The following STK11IP variants were observed in gnomAD, a reference collection of about 807,000 sequenced individuals.
STK11IP encodes the protein serine/threonine-protein kinase 11-interacting protein.
Under a neutral mutation model 131.7 loss-of-function variants are expected in STK11IP, and 103 were observed. That is an observed-to-expected ratio of 0.78 (90% CI 0.67 to 0.92). STK11IP has a LOEUF of 0.92. Among genes scored for constraint, STK11IP ranks in the 40% least tolerant of loss-of-function variants. The pLI, the probability that STK11IP is intolerant of heterozygous loss-of-function variation, is 0.00. For synonymous variants in STK11IP, 557 were observed against 575.6 expected, an observed-to-expected ratio of 0.97 and a Z score of 0.46; for missense variants, 1,315 against 1,385.7, an observed-to-expected ratio of 0.95 and a Z score of 0.81.
At position 219,606,452 on chromosome 2, in the gene STK11IP, C is replaced by A. The variant is rs781518898; in HGVS notation, c.946-24C>A. Reference sequence around the variant, plus strand: ...GCAGGATGGGCCTACCACATACTCCCTCCCCCTTTTTGTCTTTGCTCAGTT... The same window carrying A: ...GCAGGATGGGCCTACCACATACTCCATCCCCCTTTTTGTCTTTGCTCAGTT... On this transcript the variant is annotated intron_variant, in intron 10 of 24. Transcript: ENST00000456909. 7 of 1,607,960 alleles carry A rather than the reference C, an allele frequency of 4.4e-6. No homozygotes were observed. The South Asian group carries it at 6.7e-5, about 15-fold the overall frequency.
At chr2:219,613,470 T>G (rs1163633693) in intron 20 of STK11IP, among the ~76,000 whole-genome samples, 6 of 1,638 alleles carry the variant, frequency 3.7e-3, no homozygotes, top group African/African-American at 5.6e-3. Flanking sequence ...GGAGGTGGGG[T>G]GAGTGGGGGG....
chr2:219,612,250 A>T (rs1234697606), intron 19 of STK11IP, among the ~76,000 whole-genome samples, 192 bp downstream of exon 19: 1 of 152,214 alleles, frequency 6.6e-6, no homozygotes, highest in Non-Finnish European at 1.5e-5. Context: ...CCTGTCTGCA[A>T]TGGAGATAAC....
At position 219,608,108 on chromosome 2, in the gene STK11IP, C is replaced by T. The variant is rs764805097; in HGVS notation, c.1281C>T (p.Gly427=). ...ELMSSFRERF[G]RNWLQYRSHL... ...TGAGCAGCTTCCGGGAACGGTTCGG[C>T]CGCAACTGGCTGCAGTACAGGAGTC... Residue 427 remains glycine (G), a synonymous_variant, in exon 14 of 25, where the codon GGC becomes GGT. Coordinates refer to ENST00000456909, the MANE Select transcript of STK11IP (RefSeq NM_052902.4). 1.2e-6 allele frequency: 2 copies of T among 1,613,082 alleles called. No individual in the cohort carries two copies. The highest frequency in any genetic ancestry group is 1.3e-5 in the African/African-American group (1 of 74,910).
rs1465992969 is a variant in STK11IP at position 219,616,385 on chromosome 2, C to T, written c.*192C>T. The T allele has an allele frequency of 1.5e-6, 1 of 653,522 alleles. No individual in the cohort carries two copies. The highest frequency in any genetic ancestry group is 2.5e-6 in the Non-Finnish European group (1 of 400,236). 40.5% of individuals were successfully genotyped at this position (653,522 alleles called of 1,614,324 possible). Reference sequence around the variant, plus strand: ...TGATCTGGCCTCAGGGGACAGGCCACCTGGTCAGGAGGAATATTTTTCCTG... The same window carrying T: ...TGATCTGGCCTCAGGGGACAGGCCATCTGGTCAGGAGGAATATTTTTCCTG... On this transcript the variant is annotated 3_prime_UTR_variant, in exon 25 of 25. Transcript: ENST00000456909.
intron 24 of STK11IP, 159 bp from the exon 25 acceptor site, chr2:219,615,885 C>G (rs1478765106): frequency 4.1e-6 from 4 of 966,212 alleles, no homozygotes; most frequent in Non-Finnish European, 6.4e-6. Flanking sequence ...GTTTACAAAG[C>G]TCAGAGTCAG....
In STK11IP at chr2:219,613,876, G is replaced by A; in HGVS notation, c.2662G>A (p.Val888Met). Residue 888 changes from valine to methionine, a missense_variant, in exon 21 of 25, where the codon GTG (valine) becomes ATG (methionine). Transcript: ENST00000456909. Reference sequence around the variant, plus strand: ...GTGGGCAGCTGGGGCGGGCCGCTGTGTGCTGCTGCCCCGAGATGCCAGGCA... The same window carrying A: ...GTGGGCAGCTGGGGCGGGCCGCTGTATGCTGCTGCCCCGAGATGCCAGGCA... ...LEWAAGAGRC[V>M]LLPRDARHCR... 1 of 1,611,680 alleles carries A rather than the reference G, an allele frequency of 6.2e-7. No individual in the cohort carries two copies. Among genetic ancestry groups the A allele is most frequent in the Non-Finnish European group, 8.5e-7 (1 of 1,179,334 alleles).
intron 19 of STK11IP, 49 bp downstream of exon 19, chr2:219,612,107 A>G (rs750465593): frequency 3.4e-5 from 52 of 1,519,972 alleles, no homozygotes; most frequent in Non-Finnish European, 4.6e-5. Context: ...CAGGGTGCCC[A>G]CTCGTTTCCA....
At chr2:219,598,814 T>C (rs1017061643) in intron 2 of STK11IP, among the ~76,000 whole-genome samples, 1 of 152,248 alleles carries the variant, frequency 6.6e-6, no homozygotes, top group African/African-American at 2.4e-5. Flanking sequence ...TTGGCATTAG[T>C]TGTGGTAGAA....
rs531252187 is a variant in STK11IP, at chr2:219,599,437, T to G, written c.61+1257T>G. 2.0e-5 allele frequency among the ~76,000 whole-genome samples: 3 copies of G among 152,286 alleles called. No homozygotes were observed. The East Asian group carries it at 5.8e-4, about 29-fold the overall frequency. On this transcript the variant is annotated intron_variant, in intron 2 of 24. Transcript: ENST00000456909. ...TGTATTGATAACTTTGCAAATGTCT[T>G]ATATCCTTCTCTGGGAGGAGACAAC...
At chr2:219,608,483 T>C (rs1416590956) in intron 14 of STK11IP, 53 bp downstream of exon 14, 1 of 1,532,948 alleles carries the variant, frequency 6.5e-7, no homozygotes, top group Non-Finnish European at 8.8e-7. Context: ...TTGGGATGTT[T>C]GTGAGTGGTG....
intron 22 of STK11IP, 28 bp from the exon 23 acceptor site, chr2:219,614,448 C>T (rs772388162): frequency 3.1e-6 from 5 of 1,611,706 alleles, no homozygotes; most frequent in Non-Finnish European, 3.4e-6. Flanking sequence ...GCTAGCTGAT[C>T]TTCCTGTGCC....
Position 219,606,071 on chromosome 2 carries a change from A to G in STK11IP, c.849+12A>G, listed in dbSNP as rs936403415. The G allele has an allele frequency of 1.3e-6, 2 of 1,587,654 alleles. No individual in the cohort carries two copies. The highest frequency in any genetic ancestry group is 4.6e-5 in the East Asian group (2 of 43,776). ...CTGAGCTCCGCAAGGTGAGATGGGA[A>G]TGCATCAGGGGCCTGGGAACCACCC... On this transcript the variant is annotated intron_variant, in intron 9 of 24. Coordinates refer to ENST00000456909, the MANE Select transcript of STK11IP (RefSeq NM_052902.4).
chr2:219,604,485 A>C (rs746723091), intron 7 of STK11IP, among the ~76,000 whole-genome samples: 1 of 152,214 alleles, frequency 6.6e-6, no homozygotes, highest in African/African-American at 2.4e-5. Context: ...CTAAAAACCA[A>C]CTGAGCCATT....
chr2:219,612,561 G>A (rs1698431030), intron 19 of STK11IP, among the ~76,000 whole-genome samples: 1 of 152,248 alleles, frequency 6.6e-6, no homozygotes, highest in Non-Finnish European at 1.5e-5. Flanking sequence ...CCTGGGAGGT[G>A]ATGTCTAAGC....
chr2:219,612,905 A>C (rs1698440084), intron 19 of STK11IP: 1 of 535,098 alleles, frequency 1.9e-6, no homozygotes. Context: ...GTGAGGCGAC[A>C]GGCAGGGAAG....
chr2:219,605,768 G>T, intron 8 of STK11IP, 34 bp downstream of exon 8: 1 of 1,588,732 alleles, frequency 6.3e-7, no homozygotes, highest in South Asian at 1.1e-5. Flanking sequence ...CAAGCATGGA[G>T]GGGAAGGGGG....
chr2:219,613,024 G>T, intron 19 of STK11IP, 104 bp from the exon 20 acceptor site: 1 of 795,902 alleles, frequency 1.3e-6, no homozygotes, highest in Non-Finnish European at 2.1e-6. Flanking sequence ...GTGGGCAGTG[G>T]GAGGGTCAGG....
chr2:219,611,732 G>A lies in STK11IP; in HGVS notation c.2233G>A (p.Val745Ile), dbSNP rs1252716842. Residue 745 changes from valine (V) to isoleucine (I), a missense_variant, in exon 18 of 25, where the codon GTC becomes ATC. Transcript: ENST00000456909. Reference protein sequence around the residue: ...SLAPSPSASPVCHPPGHGDHL... With the variant: ...SLAPSPSASPICHPPGHGDHL... The stretch of plus-strand genomic sequence containing the variant: ...GGCTCCTTCTCCGTCTGCCAGCCCT[G>A]TCTGCCACCCTCCTGGCCATGGTGA... The A allele has an allele frequency of 1.9e-6, 3 of 1,613,068 alleles. No individual in the cohort carries two copies. In the East Asian group the frequency reaches 6.7e-5, roughly 36 times the overall value.
At position 219,611,948 on chromosome 2, in the gene STK11IP, C is replaced by T; in HGVS notation, c.2336-7C>T. 6.3e-7 allele frequency: 1 copy of T among 1,587,800 alleles called. No homozygotes were observed. Among genetic ancestry groups the T allele is most frequent in the Admixed American group, 1.8e-5 (1 of 56,540 alleles). ...TGGGCAGGCTGATGCCCCCTCATTG[C>T]CCTCAGCCCCTGAGCGCTGTGGCCT... is the stretch of plus-strand genomic sequence containing the variant. On this transcript the variant is annotated splice_region_variant and splice_polypyrimidine_tract_variant and intron_variant, in intron 18 of 24. Transcript: ENST00000456909.
Sources: allele counts gnomAD v4.1 joint callset (sites outside exome capture counted in the v4.1 genomes callset), GRCh38; gene constraint gnomAD v4.1.1; transcripts MANE v1.5; gene names NCBI Gene and HGNC (gene_info 2026-07-23, HGNC 2026-07-21).